CSMD2: variants seen among roughly 807,000 people sequenced by gnomAD.
CSMD2 encodes CUB and sushi domain-containing protein 2.
CSMD2 carries 130 observed loss-of-function variants against 398.5 expected under a neutral mutation model. That is an observed-to-expected ratio of 0.33 (90% CI 0.28 to 0.38). The LOEUF (loss-of-function observed/expected upper bound fraction) is 0.38, where lower values mean the gene tolerates loss of function less well. Among genes scored for constraint, CSMD2 ranks in the 10% least tolerant of loss-of-function variants. The pLI is 1.00. For missense variants in CSMD2, 3,829 were observed against 4,764.9 expected (o/e 0.80, Z 5.78); for synonymous variants, 1,828 against 1,908.5 (o/e 0.96, Z 1.10).
chr1:33,815,402 T>A (rs1657344228), intron 9 of CSMD2: 1 of 152,182 alleles, frequency 6.6e-6, no homozygotes, highest in Non-Finnish European at 1.5e-5. Flanking sequence ...GTTGTTTAAA[T>A]CTAGGAAAGG....
chr1:33,762,141 G>A (rs537445923), intron 13 of CSMD2, among the ~76,000 whole-genome samples: 232 of 152,330 alleles, frequency 1.5e-3, no homozygotes, highest in Non-Finnish European at 2.4e-3. Context: ...AGGGCTGATA[G>A]TAATGCACAT....
intron 44 of CSMD2, chr1:33,598,852 G>C (rs1473100706): frequency 6.6e-6 from 1 of 152,234 alleles, no homozygotes; most frequent in East Asian, 1.9e-4. Flanking sequence ...TGTATTTTTA[G>C]TAGAGACAGG....
At chr1:33,960,735 C>T (rs1645329420) in intron 3 of CSMD2, among the ~76,000 whole-genome samples, 1 of 152,240 alleles carries the variant, frequency 6.6e-6, no homozygotes, top group South Asian at 2.1e-4. Context: ...TCCCAGCTAA[C>T]AGGATCTCTC....
intron 4 of CSMD2, among the ~76,000 whole-genome samples, chr1:33,927,328 G>A (rs1644161064): frequency 6.6e-6 from 1 of 152,030 alleles, no homozygotes; most frequent in Non-Finnish European, 1.5e-5. Context: ...CATCACTATT[G>A]CTCCCAGACT....
intron 3 of CSMD2, among the ~76,000 whole-genome samples, chr1:34,008,227 C>T (rs1278415634): frequency 6.6e-6 from 1 of 152,140 alleles, no homozygotes; most frequent in Non-Finnish European, 1.5e-5. Context: ...TTTCACCTTC[C>T]AAAGTACCCT....
chr1:34,092,887 G>A (rs1010962076), intron 1 of CSMD2, among the ~76,000 whole-genome samples: 3 of 151,962 alleles, frequency 2.0e-5, no homozygotes, highest in Non-Finnish European at 4.4e-5. Flanking sequence ...CGGAAAGCTC[G>A]AACTGGGTGG....
intron 60 of CSMD2, among the ~76,000 whole-genome samples, chr1:33,539,092 C>T (rs1038853136): frequency 9.2e-5 from 14 of 152,108 alleles, no homozygotes; most frequent in Non-Finnish European, 1.6e-4. Flanking sequence ...CCCAACCTCC[C>T]GAGTAGGTGG....
chr1:33,801,570 G>C (rs1655610454), intron 10 of CSMD2, among the ~76,000 whole-genome samples: 1 of 152,196 alleles, frequency 6.6e-6, no homozygotes, highest in Non-Finnish European at 1.5e-5. Flanking sequence ...CCAGCACTGT[G>C]CTAACTGTGG....
At chr1:33,774,660 C>T (rs894836875) in intron 12 of CSMD2, among the ~76,000 whole-genome samples, 8 of 152,178 alleles carry the variant, frequency 5.3e-5, no homozygotes, top group African/African-American at 1.9e-4. Context: ...CCTAGTGAGG[C>T]CCCACCATTG....
At chr1:33,521,686 C>T (rs956403392) in intron 67 of CSMD2, 136 bp from the exon 68 acceptor site, 3 of 682,256 alleles carry the variant, frequency 4.4e-6, no homozygotes, top group African/African-American at 3.5e-5. Context: ...TCTCTGCCCA[C>T]ACCTAGGCAA....
intron 6 of CSMD2, among the ~76,000 whole-genome samples, chr1:33,832,399 C>CTCCTGAAGGACT (rs527303355): frequency 2.3e-5 from 3 of 131,048 alleles, no homozygotes; most frequent in Admixed American, 8.1e-5. Flanking sequence ...GAACAACCTG[C>CTCCTGAAGGACT]ACTGGGTACA....
At chr1:34,039,442 T>C (rs1344055708) in intron 2 of CSMD2, among the ~76,000 whole-genome samples, 1 of 152,164 alleles carries the variant, frequency 6.6e-6, no homozygotes, top group Non-Finnish European at 1.5e-5. Context: ...AAACTTTTGG[T>C]GAGTTAAGCC....
At chr1:33,702,884 A>G (rs1645655908) in intron 22 of CSMD2, among the ~76,000 whole-genome samples, 1 of 152,172 alleles carries the variant, frequency 6.6e-6, no homozygotes, top group South Asian at 2.1e-4. Context: ...TATGATATAC[A>G]ATTCTACCTT....
In CSMD2 at chr1:34,114,723, T is replaced by C. The variant is rs77858531; in HGVS notation, c.188-25530A>G. Among the ~76,000 whole-genome samples, 1,174 of 152,210 alleles carry C rather than the reference T, an allele frequency of 7.7e-3. 24 individuals carry two copies. Among genetic ancestry groups the C allele is most frequent in the African/African-American group, 0.027 (1,115 of 41,548 alleles). ...AAAAAAAAAGGAAGGGTGGTGTACA[T>C]AATAAATCTTCAGAAACCAATTCTA... On this transcript the variant is annotated intron_variant, in intron 1 of 70. Transcript: ENST00000373381.
intron 2 of CSMD2, among the ~76,000 whole-genome samples, chr1:34,034,803 A>G (rs1234874662): frequency 6.6e-6 from 1 of 152,228 alleles, no homozygotes; most frequent in African/African-American, 2.4e-5. Context: ...TGTGTGACAA[A>G]AAACTGTAAA....
Position 33,724,181 on chromosome 1 carries a change from G to A in CSMD2, c.3001+16C>T. On this transcript the variant is annotated intron_variant, in intron 19 of 70. Transcript: ENST00000373381. ...CTCGTCACATCCCAATGCCTGCTAT[G>A]GGCTGAAACACTCACCCTTGCCATG... The A allele has an allele frequency of 6.3e-7, 1 of 1,576,908 alleles. No homozygotes were observed. Among genetic ancestry groups the A allele is most frequent in the South Asian group, 1.1e-5 (1 of 90,286 alleles).
intron 48 of CSMD2, among the ~76,000 whole-genome samples, chr1:33,579,879 A>G (rs1426385653): frequency 6.6e-6 from 1 of 152,040 alleles, no homozygotes; most frequent in African/African-American, 2.4e-5. Flanking sequence ...GGGTTTCACT[A>G]TGTTGGTCAG....
chr1:34,141,118 C>T (rs774439699), intron 1 of CSMD2, among the ~76,000 whole-genome samples: 8 of 152,166 alleles, frequency 5.3e-5, no homozygotes, highest in Non-Finnish European at 1.0e-4. Context: ...AGTCCCATCT[C>T]AAATGTCACA....
At position 33,571,659 on chromosome 1, in the gene CSMD2, T is replaced by C. The variant is rs1267840808; in HGVS notation, c.7830A>G (p.Thr2610=). 123 of 1,582,620 alleles carry C rather than the reference T, an allele frequency of 7.8e-5. No individual in the cohort carries two copies. Among genetic ancestry groups the C allele is most frequent in the Non-Finnish European group, 1.0e-4 (117 of 1,159,484 alleles). Residue 2610 remains threonine (T), a synonymous_variant, in exon 51 of 71, where the codon ACA becomes ACG. Transcript: ENST00000373381. The part of the protein sequence containing the change: ...EHGRWRLIFE[T]QYQFQAQLML... ...TCAGCTGGGCCTGGAACTGATACTGTGTCTCAAAGATAAGCCTCCATCGGC... is the reference window on the plus strand; with the variant it reads ...TCAGCTGGGCCTGGAACTGATACTGCGTCTCAAAGATAAGCCTCCATCGGC...
Sources: allele counts gnomAD v4.1 joint callset (sites outside exome capture counted in the v4.1 genomes callset), GRCh38; gene constraint gnomAD v4.1.1; transcripts MANE v1.5; gene names NCBI Gene and HGNC (gene_info 2026-07-23, HGNC 2026-07-21).